The following LRRC4C variants were observed in gnomAD, a reference collection of about 807,000 sequenced individuals.
LRRC4C encodes leucine-rich repeat-containing protein 4C.
A neutral mutation model predicts 33.6 loss-of-function variants in LRRC4C; 5 were observed. The ratio of observed to expected loss-of-function variants is 0.15; its 90% CI spans 0.08 to 0.31. LRRC4C has a LOEUF of 0.31. Among genes scored for constraint, LRRC4C ranks in the 10% least tolerant of loss-of-function variants. The pLI, the probability that LRRC4C is intolerant of heterozygous loss-of-function variation, is 1.00. For synonymous variants in LRRC4C, 329 were observed against 302.0 expected (o/e 1.09, Z -0.93); for missense variants, 560 against 796.7 (o/e 0.70, Z 3.58).
At chr11:41,209,851 G>T (rs1946749405) in intron 1 of LRRC4C, among the ~76,000 whole-genome samples, 1 of 152,020 alleles carries the variant, frequency 6.6e-6, no homozygotes, top group Non-Finnish European at 1.5e-5. Flanking sequence ...CCCACAATAT[G>T]ACTATATCTA....
chr11:40,898,366 A>AAAAAAAAAAAAAAAAAAAAAAAAAAAAG (rs1554991246), intron 2 of LRRC4C, among the ~76,000 whole-genome samples: 3 of 117,372 alleles, frequency 2.6e-5, no homozygotes, highest in Non-Finnish European at 3.5e-5. Context: ...AAAAAAAAAA[A>AAAAAAAAAAAAAAAAAAAAAAAAAAAAG]AAAAAAGAAA....
intron 5 of LRRC4C, among the ~76,000 whole-genome samples, chr11:40,183,273 A>G (rs1345759792): frequency 6.6e-6 from 1 of 152,200 alleles, no homozygotes; most frequent in Admixed American, 6.5e-5. Context: ...GGCCACTGAA[A>G]GGCAAATTGG....
At chr11:40,341,198 T>G (rs1946849328) in intron 3 of LRRC4C, among the ~76,000 whole-genome samples, 1 of 152,220 alleles carries the variant, frequency 6.6e-6, no homozygotes, top group African/African-American at 2.4e-5. Context: ...TGCAATAGTT[T>G]GCTGAGAATG....
intron 1 of LRRC4C, among the ~76,000 whole-genome samples, chr11:41,191,327 G>T (rs1274005573): frequency 6.6e-6 from 1 of 152,156 alleles, no homozygotes; most frequent in Admixed American, 6.6e-5. Flanking sequence ...TTTATGCCAT[G>T]CAAAAACGTT....
intron 1 of LRRC4C, among the ~76,000 whole-genome samples, chr11:40,960,080 A>G (rs1247127795): frequency 6.6e-6 from 1 of 151,492 alleles, no homozygotes; most frequent in Non-Finnish European, 1.5e-5. Flanking sequence ...AAAAGATAAA[A>G]AGGACATGAA....
intron 2 of LRRC4C, among the ~76,000 whole-genome samples, chr11:40,665,809 C>T (rs1943774563): frequency 1.3e-5 from 2 of 151,836 alleles, no homozygotes; most frequent in South Asian, 4.1e-4. Context: ...AATAACTGCC[C>T]CTTATTAGAT....
At chr11:40,769,622 A>G (rs968941938) in intron 2 of LRRC4C, among the ~76,000 whole-genome samples, 11 of 152,200 alleles carry the variant, frequency 7.2e-5, no homozygotes, top group African/African-American at 2.2e-4. Context: ...TTACCTGCAT[A>G]AAAACAGATA....
chr11:40,389,793 T>A (rs1054214187), intron 3 of LRRC4C, among the ~76,000 whole-genome samples: 2 of 152,162 alleles, frequency 1.3e-5, no homozygotes, highest in African/African-American at 4.8e-5. Flanking sequence ...TACATAAGCA[T>A]GAAGTTGTTA....
intron 1 of LRRC4C, among the ~76,000 whole-genome samples, chr11:41,205,947 G>C (rs758566718): frequency 1.3e-5 from 2 of 152,000 alleles, no homozygotes; most frequent in Non-Finnish European, 2.9e-5. Context: ...AGCTTTTTAA[G>C]AAAAAAACTC....
intron 6 of LRRC4C, among the ~76,000 whole-genome samples, chr11:40,133,446 T>A (rs577578460): frequency 1.3e-5 from 2 of 152,260 alleles, no homozygotes; most frequent in Middle Eastern, 3.4e-3. Flanking sequence ...ACCAAAAACA[T>A]ATTTATAACC....
chr11:40,153,466 C>T (rs577505575), intron 5 of LRRC4C, among the ~76,000 whole-genome samples: 6 of 152,052 alleles, frequency 3.9e-5, no homozygotes, highest in African/African-American at 1.4e-4. Flanking sequence ...AAAAGGAATT[C>T]AGGAGGTTAG....
chr11:40,521,500 A>G (rs912335047), intron 3 of LRRC4C, among the ~76,000 whole-genome samples: 2 of 152,226 alleles, frequency 1.3e-5, no homozygotes, highest in South Asian at 2.1e-4. Context: ...TATGTATTGA[A>G]TTCATATTAC....
chr11:40,781,886 T>C (rs1047118920), intron 2 of LRRC4C, among the ~76,000 whole-genome samples: 7 of 152,180 alleles, frequency 4.6e-5, no homozygotes, highest in African/African-American at 1.2e-4. Flanking sequence ...ATCAGGAAAG[T>C]GAAATGCCAG....
intron 2 of LRRC4C, among the ~76,000 whole-genome samples, chr11:40,700,791 T>C (rs1291158961): frequency 6.6e-6 from 1 of 152,136 alleles, no homozygotes. Context: ...GACACCTAAT[T>C]TAACAATCAT....
chr11:40,480,776 T>TA (rs1490591768), intron 3 of LRRC4C, among the ~76,000 whole-genome samples: 2 of 152,120 alleles, frequency 1.3e-5, no homozygotes, highest in Admixed American at 6.6e-5. Flanking sequence ...TCTAGCCATT[T>TA]AAAACAACAT....
chr11:40,830,960 A>G (rs1198269057), intron 2 of LRRC4C, among the ~76,000 whole-genome samples: 5 of 152,104 alleles, frequency 3.3e-5, no homozygotes, highest in African/African-American at 4.8e-5. Flanking sequence ...CCACCCAAAG[A>G]CACTTGTTGG....
Position 40,540,402 on chromosome 11 carries a change from G to T in LRRC4C, c.-270+107740C>A, listed in dbSNP as rs545830489. On this transcript the variant is annotated intron_variant, in intron 3 of 6. Coordinates refer to ENST00000528697, the MANE Select transcript of LRRC4C (RefSeq NM_001258419.2). The stretch of plus-strand genomic sequence containing the variant: ...ACGTAACCTGCCAACCTCACCTCTG[G>T]TTTTTTATTTTTCAAACCCAAACAG... Among the ~76,000 whole-genome samples, 86 of 152,168 alleles carry T rather than the reference G, an allele frequency of 5.7e-4. 1 individual carries two copies. In the East Asian group the frequency reaches 0.015, roughly 27 times the overall value.
intron 3 of LRRC4C, among the ~76,000 whole-genome samples, chr11:40,505,156 G>A (rs189589704): frequency 2.0e-5 from 3 of 152,260 alleles, no homozygotes; most frequent in African/African-American, 4.8e-5. Context: ...TAGGTAAGGA[G>A]ATGGGTCTAT....
At chr11:40,610,679 C>T (rs1217171906) in intron 3 of LRRC4C, among the ~76,000 whole-genome samples, 1 of 151,732 alleles carries the variant, frequency 6.6e-6, no homozygotes, top group Non-Finnish European at 1.5e-5. Context: ...AGCAAGGTTG[C>T]AGGATACAAG....
Sources: gnomAD v4.1 joint callset for allele counts (sites outside exome capture counted in the v4.1 genomes callset) on GRCh38, gnomAD v4.1.1 for gene constraint, MANE v1.5 for transcripts, NCBI Gene and HGNC (gene_info 2026-07-23, HGNC 2026-07-21) for gene names.